The following AFG3L2 variants were observed in gnomAD, a reference collection of about 807,000 sequenced individuals.
AFG3L2 encodes the protein AFG3 like matrix AAA peptidase subunit 2.
In AFG3L2, 54 loss-of-function variants were observed where a neutral mutation model predicts 94.5. The ratio of observed to expected loss-of-function variants is 0.57; its 90% confidence interval spans 0.46 to 0.72. The LOEUF is 0.72. Ranked by LOEUF, AFG3L2 falls within the 30% of genes least tolerant of loss-of-function variation. The pLI is 0.00. For synonymous variants in AFG3L2, 377 were observed against 365.5 expected, an observed-to-expected ratio of 1.03 and a Z score of -0.36; for missense variants, 754 against 994.9, an observed-to-expected ratio of 0.76 and a Z score of 3.26.
chr18:12,354,714 G>T (rs998606403), intron 9 of AFG3L2, among the ~76,000 whole-genome samples: 1 of 152,022 alleles, frequency 6.6e-6, no homozygotes, highest in Non-Finnish European at 1.5e-5. Flanking sequence ...GACACACTCA[G>T]GTATCTCACG....
At chr18:12,356,854 T>G in intron 8 of AFG3L2, 23 bp from the exon 9 acceptor site, 3 of 1,612,300 alleles carry the variant, frequency 1.9e-6, no homozygotes, top group South Asian at 2.2e-5. Context: ...AAAAAGAAAT[T>G]ACATTTAATG....
At chr18:12,335,864 C>T (rs1039790423) in intron 16 of AFG3L2, among the ~76,000 whole-genome samples, 1 of 152,262 alleles carries the variant, frequency 6.6e-6, no homozygotes, top group African/African-American at 2.4e-5. Context: ...CATTTCACTG[C>T]ACACTTTTGT....
chr18:12,344,487 C>T (rs560877543), intron 13 of AFG3L2, among the ~76,000 whole-genome samples: 28 of 152,050 alleles, frequency 1.8e-4, no homozygotes, highest in South Asian at 4.2e-4. Flanking sequence ...CCAGCCTGGC[C>T]AACATGGTGA....
intron 14 of AFG3L2, chr18:12,342,481 TTG>T (rs752337872): frequency 1.3e-5 from 2 of 152,232 alleles, no homozygotes; most frequent in Non-Finnish European, 2.9e-5. Context: ...GCATGTATTT[TTG>T]GAGGGCGTGG....
intron 16 of AFG3L2, among the ~76,000 whole-genome samples, chr18:12,331,592 G>A (rs1324308664): frequency 1.3e-5 from 2 of 152,088 alleles, no homozygotes; most frequent in African/African-American, 4.8e-5. Flanking sequence ...TCAGGAGTTC[G>A]AGACCAGCCT....
At position 12,376,966 on chromosome 18, in the gene AFG3L2, C is replaced by T. The variant is rs1319090480; in HGVS notation, c.114+3G>A. Reference sequence around the variant, plus strand: ...GGGCGCCGGGCGCCCAGGTAGGACTCACCGTCCGGAGGCAGGGCTGCTCGC... The same window carrying T: ...GGGCGCCGGGCGCCCAGGTAGGACTTACCGTCCGGAGGCAGGGCTGCTCGC... On this transcript the variant is annotated splice_donor_region_variant and intron_variant, in intron 1 of 16. Coordinates refer to ENST00000269143, the MANE Select transcript of AFG3L2 (RefSeq NM_006796.3). 10 of 1,456,542 alleles carry T rather than the reference C, an allele frequency of 6.9e-6. No individual in the cohort carries two copies. The highest frequency in any genetic ancestry group is 9.0e-6 in the Non-Finnish European group (10 of 1,108,346). 90.2% of individuals were successfully genotyped at this position (1,456,542 alleles called of 1,614,324 possible).
At chr18:12,345,085 C>A (rs1304505167) in intron 13 of AFG3L2, among the ~76,000 whole-genome samples, 5 of 152,214 alleles carry the variant, frequency 3.3e-5, no homozygotes, top group Admixed American at 3.3e-4. Context: ...CAGTTCAACA[C>A]CCGGAGCTAC....
intron 6 of AFG3L2, among the ~76,000 whole-genome samples, chr18:12,360,397 C>T (rs1404674964): frequency 6.6e-6 from 1 of 152,124 alleles, no homozygotes; most frequent in African/African-American, 2.4e-5. Flanking sequence ...TATTTTAGCT[C>T]CCTATTCCCA....
chr18:12,364,629 T>G (rs549753376), intron 5 of AFG3L2, among the ~76,000 whole-genome samples: 1 of 152,274 alleles, frequency 6.6e-6, no homozygotes, highest in South Asian at 2.1e-4. Context: ...AAATATAAAA[T>G]AGTTTAAGCT....
chr18:12,335,467 C>T (rs1907712553), intron 16 of AFG3L2, among the ~76,000 whole-genome samples: 1 of 152,164 alleles, frequency 6.6e-6, no homozygotes. Flanking sequence ...CTTCCTGCCA[C>T]TCTTTCCCCT....
intron 13 of AFG3L2, 151 bp from the exon 14 acceptor site, chr18:12,344,398 G>A: frequency 1.5e-6 from 1 of 685,098 alleles, no homozygotes; most frequent in Non-Finnish European, 2.6e-6. Flanking sequence ...ATCAAGGCCA[G>A]GCGCAGTGGC....
chr18:12,344,249 T>C lies in AFG3L2; in HGVS notation c.1664-2A>G, dbSNP rs746080788. On this transcript the variant is annotated splice_acceptor_variant, in intron 13 of 16. Coordinates refer to ENST00000269143, the MANE Select transcript of AFG3L2 (RefSeq NM_006796.3). LOFTEE classifies it high-confidence loss of function. ...GAACCTGCGTTTTCTTCTCTAAGCC[T>C]AACAAAATAACAACAAAAAAACCCA... is the stretch of plus-strand genomic sequence containing the variant. The C allele has an allele frequency of 6.2e-7, 1 of 1,610,672 alleles. No homozygotes were observed.
At position 12,329,071 on chromosome 18, in the gene AFG3L2, G is replaced by A; in HGVS notation, c.*494C>T. 2.9e-6 allele frequency: 2 copies of A among 696,930 alleles called. No individual in the cohort carries two copies. The highest frequency in any genetic ancestry group is 1.8e-5 in the African/African-American group (1 of 57,114). 43.2% of individuals were successfully genotyped at this position (696,930 alleles called of 1,614,324 possible). A position where few individuals can be genotyped will look rare whatever the true frequency, so the allele number is the denominator to read the frequency against. ...AACCATTCCATTAAGACAGCAACAA[G>A]TGATCTGGATTCAATCTTTAAAATA... On this transcript the variant is annotated 3_prime_UTR_variant, in exon 17 of 17. Transcript: ENST00000269143.
chr18:12,356,188 G>A (rs918345448), intron 9 of AFG3L2, among the ~76,000 whole-genome samples: 4 of 145,036 alleles, frequency 2.8e-5, no homozygotes, highest in Non-Finnish European at 4.5e-5. Flanking sequence ...GTCTCACTCT[G>A]TTGCCCAGGC....
rs184548843 is a variant in AFG3L2, at chr18:12,367,437, G to A, written c.293-55C>T. On this transcript the variant is annotated intron_variant, in intron 3 of 16. Transcript: ENST00000269143. The stretch of plus-strand genomic sequence containing the variant: ...GCACGGCAAGGTTTTAGCTCTCTCA[G>A]CAATGTCTTCATGTATACGGTTTAA... 3,206 of 1,518,702 alleles carry A rather than the reference G, an allele frequency of 2.1e-3. 10 individuals carry two copies. Among genetic ancestry groups the A allele is most frequent in the Non-Finnish European group, 2.4e-3 (2,621 of 1,096,062 alleles). 94.1% of individuals were successfully genotyped at this position (1,518,702 alleles called of 1,614,324 possible).
At chr18:12,367,407 C>T (rs1406287302) in intron 3 of AFG3L2, 25 bp from the exon 4 acceptor site, 1 of 1,609,718 alleles carries the variant, frequency 6.2e-7, no homozygotes, top group African/African-American at 1.3e-5. Context: ...AGAGCACACA[C>T]AGAAGCACGG....
chr18:12,353,064 T>C lies in AFG3L2; in HGVS notation c.1259A>G (p.Asn420Ser). The change falls in exon 10 of 17, where the codon AAC becomes AGC. Residue 420 changes from asparagine to serine, a missense_variant. Physicochemically the swap from Asn to Ser is conservative, Grantham distance 46. This residue lies in a region of AFG3L2 where 109 missense variants were observed against 227.1 expected (regional missense o/e 0.48). Transcript: ENST00000269143. ...DAVGRKRGRG[N>S]FGGQSEQENT... ...CTCCTGCTCACTCTGCCCTCCAAAG[T>C]TGCCTCTTCCTCTCTTCCTTCCCAC... 1 of 1,614,132 alleles carries C rather than the reference T, an allele frequency of 6.2e-7. No homozygotes were observed. Among genetic ancestry groups the C allele is most frequent in the Non-Finnish European group, 8.5e-7 (1 of 1,180,028 alleles).
Position 12,329,270 on chromosome 18 carries a change from T to C in AFG3L2, c.*295A>G. ...CTGCCACACGGTCAGCCGACCCCAC[T>C]TGGTGCCACAGGGTCCAGCCTCGGC... On this transcript the variant is annotated 3_prime_UTR_variant, in exon 17 of 17. Coordinates refer to ENST00000269143, the MANE Select transcript of AFG3L2 (RefSeq NM_006796.3). 1 of 700,496 alleles carries C rather than the reference T, an allele frequency of 1.4e-6. No individual in the cohort carries two copies. 43.4% of individuals were successfully genotyped at this position (700,496 alleles called of 1,614,324 possible). A position where few individuals can be genotyped will look rare whatever the true frequency, so the allele number is the denominator to read the frequency against.
chr18:12,349,325 G>A (rs1394465917), intron 12 of AFG3L2, among the ~76,000 whole-genome samples: 1 of 152,146 alleles, frequency 6.6e-6, no homozygotes, highest in Non-Finnish European at 1.5e-5. Flanking sequence ...AATGTAAAAT[G>A]GCACAGGTAA....
Sources: gnomAD v4.1 joint callset for allele counts (sites outside exome capture counted in the v4.1 genomes callset) on GRCh38, gnomAD v4.1.1 for gene constraint, gnomAD v4.1.1 regional missense constraint, MANE v1.5 for transcripts, NCBI Gene and HGNC (gene_info 2026-07-23, HGNC 2026-07-21) for gene names.